The following TMEM267 variants were observed in gnomAD, a reference collection of about 807,000 sequenced individuals.
TMEM267 encodes transmembrane protein 267.
In TMEM267, 20 loss-of-function variants were observed where a neutral mutation model predicts 19.3. The ratio of observed to expected loss-of-function variants is 1.04; its 90% CI spans 0.73 to 1.51. TMEM267 has a LOEUF of 1.51. Among genes scored for constraint, TMEM267 ranks in the 40% most tolerant of loss-of-function variants. The probability of loss-of-function intolerance (pLI) is 0.00; values close to 1 mark genes in which losing one functional copy is unlikely to be tolerated. For missense variants in TMEM267, 242 were observed against 261.9 expected (o/e 0.92, Z 0.52); for synonymous variants, 88 against 90.3 (o/e 0.97, Z 0.15).
At chr5:43,482,210 G>A (rs1744829462) in intron 1 of TMEM267, among the ~76,000 whole-genome samples, 1 of 152,026 alleles carries the variant, frequency 6.6e-6, no homozygotes, top group African/African-American at 2.4e-5. Context: ...ACGTAGAAGA[G>A]AACTATTTCT....
intron 1 of TMEM267, among the ~76,000 whole-genome samples, chr5:43,466,675 G>A (rs992488468): frequency 1.3e-5 from 2 of 152,134 alleles, no homozygotes; most frequent in African/African-American, 4.8e-5. Flanking sequence ...CTGTTTATTT[G>A]TTTACACAGA....
chr5:43,470,037 C>A (rs1743969096), intron 1 of TMEM267, among the ~76,000 whole-genome samples: 1 of 152,202 alleles, frequency 6.6e-6, no homozygotes. Context: ...AAGGCTGGGC[C>A]AGGACTCAAA....
intron 2 of TMEM267, among the ~76,000 whole-genome samples, chr5:43,448,119 A>G (rs1742364191): frequency 6.6e-6 from 1 of 152,208 alleles, no homozygotes; most frequent in Non-Finnish European, 1.5e-5. Context: ...GTCAAATCAG[A>G]CCACCCTTGA....
intron 1 of TMEM267, among the ~76,000 whole-genome samples, chr5:43,481,747 G>C (rs538184940): frequency 3.9e-5 from 6 of 152,198 alleles, no homozygotes; most frequent in African/African-American, 1.4e-4. Flanking sequence ...AGCCACTGCC[G>C]ACATCCTGAC....
intron 2 of TMEM267, among the ~76,000 whole-genome samples, chr5:43,451,023 G>C (rs549518617): frequency 6.6e-6 from 1 of 151,978 alleles, no homozygotes; most frequent in East Asian, 1.9e-4. Flanking sequence ...ATTTTTAGTA[G>C]AGACGGGATT....
At chr5:43,473,756 A>T (rs1744227906) in intron 1 of TMEM267, among the ~76,000 whole-genome samples, 1 of 152,230 alleles carries the variant, frequency 6.6e-6, no homozygotes, top group African/African-American at 2.4e-5. Flanking sequence ...ATTGGAAAAA[A>T]CAACTTTAAA....
rs1448684949 is a variant in TMEM267 at position 43,474,753 on chromosome 5, C to CT, written c.-75+9068dup. Among the ~76,000 whole-genome samples the CT allele has an allele frequency of 4.5e-5, 6 of 132,992 alleles. No individual in the cohort carries two copies. In the East Asian group the frequency reaches 1.2e-3, roughly 28 times the overall value. The allele number at this position is 132,992 out of a possible 152,430, so 87.2% of individuals were successfully genotyped here. A position where few individuals can be genotyped will look rare whatever the true frequency, so the allele number is the denominator to read the frequency against. On this transcript the variant is annotated intron_variant, in intron 1 of 2. Transcript: ENST00000397080. Reference sequence around the variant, plus strand: ...CAGCCCGGGCAACAAGAGCAAAACTCTGTCTCAAAAAAAAAAAAAAAAAAA... The same window carrying CT: ...CAGCCCGGGCAACAAGAGCAAAACTCTTGTCTCAAAAAAAAAAAAAAAAAAA...
chr5:43,481,838 T>C (rs568334414), intron 1 of TMEM267, among the ~76,000 whole-genome samples: 1 of 152,158 alleles, frequency 6.6e-6, no homozygotes, highest in Middle Eastern at 3.4e-3. Context: ...GTCTACTGTT[T>C]TTTGTTTGTT....
At chr5:43,470,556 C>T (rs1744004161) in intron 1 of TMEM267, among the ~76,000 whole-genome samples, 1 of 152,196 alleles carries the variant, frequency 6.6e-6, no homozygotes, top group South Asian at 2.1e-4. Flanking sequence ...GAGGCTGTGT[C>T]ACGGGCACAT....
At chr5:43,457,587 A>G (rs1561188540) in intron 1 of TMEM267, among the ~76,000 whole-genome samples, 2 of 152,166 alleles carry the variant, frequency 1.3e-5, no homozygotes, top group Admixed American at 6.5e-5. Flanking sequence ...CGAACTCACT[A>G]TCATGAGAAC....
intron 1 of TMEM267, among the ~76,000 whole-genome samples, chr5:43,457,182 C>A (rs529528769): frequency 6.6e-6 from 1 of 152,252 alleles, no homozygotes; most frequent in Non-Finnish European, 1.5e-5. Flanking sequence ...GGACTTTAGT[C>A]AAAAATAACA....
chr5:43,453,102 G>A (rs1422782230), intron 2 of TMEM267, among the ~76,000 whole-genome samples: 2 of 152,220 alleles, frequency 1.3e-5, no homozygotes, highest in Admixed American at 1.3e-4. Flanking sequence ...AAGGGACTGT[G>A]TTCTAGCCAG....
chr5:43,467,608 GAGAT>G (rs965746156), intron 1 of TMEM267, among the ~76,000 whole-genome samples: 9 of 152,334 alleles, frequency 5.9e-5, no homozygotes, highest in Admixed American at 5.9e-4. Flanking sequence ...GCTAAAGAGA[GAGAT>G]AGGCCCCAAT....
chr5:43,456,439 C>T (rs1232414244), intron 1 of TMEM267, among the ~76,000 whole-genome samples: 2 of 150,776 alleles, frequency 1.3e-5, no homozygotes, highest in Non-Finnish European at 3.0e-5. Context: ...TTGAACTTAT[C>T]AAAATTAAAA....
intron 1 of TMEM267, among the ~76,000 whole-genome samples, chr5:43,458,924 G>T (rs374183735): frequency 9.2e-4 from 138 of 150,118 alleles, no homozygotes; most frequent in African/African-American, 3.3e-3. Context: ...AGCTTAAGGG[G>T]AAAATATAAG....
chr5:43,446,245 GT>G lies in TMEM267; in HGVS notation c.624del (p.Lys208AsnfsTer25). 2.5e-6 allele frequency: 4 copies of G among 1,612,330 alleles called. No homozygotes were observed. The highest frequency in any genetic ancestry group is 3.4e-6 in the Non-Finnish European group (4 of 1,178,554). ...LTGTRQMMSS[K>X]HGVRIDV ...CCTCAGACATCAATACGAACTCCAT[GT>G]TTTGAAGACATCATTTGTCTGGTTC... On this transcript the variant is annotated frameshift_variant, in exon 3 of 3. Transcript: ENST00000397080. LOFTEE classifies it high-confidence loss of function.
rs181140395 is a variant in TMEM267 at position 43,475,282 on chromosome 5, C to T, written c.-75+8540G>A. Among the ~76,000 whole-genome samples the T allele has an allele frequency of 4.7e-4, 71 of 152,110 alleles. No individual in the cohort carries two copies. The East Asian group carries it at 0.013, about 27-fold the overall frequency. ...CAAACTAACAGAACAGAAAACCAAA[C>T]ACCGCATGTTCTCACTCATAAGTGG... On this transcript the variant is annotated intron_variant, in intron 1 of 2. Transcript: ENST00000397080.
chr5:43,468,586 C>T (rs1743888874), intron 1 of TMEM267, among the ~76,000 whole-genome samples: 1 of 152,166 alleles, frequency 6.6e-6, no homozygotes, highest in Non-Finnish European at 1.5e-5. Context: ...GTGCCCTGAC[C>T]ACCTTGGGCA....
chr5:43,454,808 T>G (rs1017176912), intron 1 of TMEM267, among the ~76,000 whole-genome samples: 1 of 152,162 alleles, frequency 6.6e-6, no homozygotes, highest in Admixed American at 6.5e-5. Context: ...TAACCTTAAT[T>G]GATATAAAAA....
Sources: gnomAD v4.1 joint callset for allele counts (sites outside exome capture counted in the v4.1 genomes callset) on GRCh38, gnomAD v4.1.1 for gene constraint, MANE v1.5 for transcripts, NCBI Gene and HGNC (gene_info 2026-07-23, HGNC 2026-07-21) for gene names.